The following EPHA6 variants were observed in gnomAD, a reference collection of about 807,000 sequenced individuals.
EPHA6 encodes the protein ephrin type-A receptor 6.
In EPHA6, 50 loss-of-function variants were observed where a neutral mutation model predicts 112.0. The observed-to-expected ratio is 0.45, with a 90% CI of 0.36 to 0.56. The LOEUF is 0.56. EPHA6 is among the 20% of genes least tolerant of loss of function. The pLI, the probability that EPHA6 is intolerant of heterozygous loss-of-function variation, is 0.00. For missense variants in EPHA6, 1,280 were observed against 1,417.4 expected (o/e 0.90, Z 1.56); for synonymous variants, 529 against 490.7 (o/e 1.08, Z -1.03).
At chr3:97,363,175 T>G (rs1455119066) in intron 5 of EPHA6, among the ~76,000 whole-genome samples, 1 of 260 alleles carries the variant, frequency 3.8e-3, no homozygotes, top group African/African-American at 9.4e-3. Context: ...CCCTGCAATA[T>G]ATATATATAT....
At chr3:96,859,683 G>A (rs1051258977) in intron 1 of EPHA6, among the ~76,000 whole-genome samples, 3 of 152,054 alleles carry the variant, frequency 2.0e-5, no homozygotes, top group African/African-American at 7.2e-5. Flanking sequence ...GACATTTCCT[G>A]TATTTGGGAT....
intron 2 of EPHA6, among the ~76,000 whole-genome samples, chr3:96,907,181 G>A (rs1476570744): frequency 6.6e-6 from 1 of 151,616 alleles, no homozygotes; most frequent in African/African-American, 2.4e-5. Context: ...GTTGTGTTTA[G>A]CACTTTCTTG....
At chr3:97,573,868 A>C (rs554851015) in intron 11 of EPHA6, among the ~76,000 whole-genome samples, 2 of 151,724 alleles carry the variant, frequency 1.3e-5, no homozygotes, top group South Asian at 4.1e-4. Context: ...TTTTGTATTG[A>C]TTTAATATTA....
chr3:97,359,642 C>T (rs2084265747), intron 5 of EPHA6, among the ~76,000 whole-genome samples: 1 of 151,782 alleles, frequency 6.6e-6, no homozygotes. Context: ...TATTTTCTTG[C>T]TTCTTTGTAT....
chr3:97,033,156 T>C (rs969680990), intron 3 of EPHA6, among the ~76,000 whole-genome samples: 1 of 152,010 alleles, frequency 6.6e-6, no homozygotes, highest in African/African-American at 2.4e-5. Context: ...GGAGACTCGG[T>C]ACTCTTGGAA....
At chr3:96,840,107 G>T (rs1446022553) in intron 1 of EPHA6, among the ~76,000 whole-genome samples, 1 of 152,072 alleles carries the variant, frequency 6.6e-6, no homozygotes, top group Non-Finnish European at 1.5e-5. Flanking sequence ...GTGACACTTA[G>T]CTCACAACTC....
intron 3 of EPHA6, among the ~76,000 whole-genome samples, chr3:97,022,972 G>A (rs2044514356): frequency 6.6e-6 from 1 of 152,106 alleles, no homozygotes; most frequent in South Asian, 2.1e-4. Context: ...TCAAATAGGA[G>A]GACAAGTTAA....
intron 11 of EPHA6, among the ~76,000 whole-genome samples, chr3:97,572,360 C>T (rs2093342712): frequency 6.6e-6 from 1 of 152,020 alleles, no homozygotes; most frequent in Admixed American, 6.6e-5. Flanking sequence ...TGGTGTTAGC[C>T]AGGATCGTCT....
chr3:97,029,389 T>C (rs1274543610), intron 3 of EPHA6, among the ~76,000 whole-genome samples: 4 of 151,870 alleles, frequency 2.6e-5, no homozygotes, highest in Non-Finnish European at 4.4e-5. Flanking sequence ...TTTAAATTTA[T>C]TTGAAGATAA....
chr3:97,020,699 C>T (rs1433571845), intron 3 of EPHA6, among the ~76,000 whole-genome samples: 1 of 152,102 alleles, frequency 6.6e-6, no homozygotes, highest in Non-Finnish European at 1.5e-5. Context: ...GTAACTTCTC[C>T]TAGCCATTTG....
chr3:96,965,677 T>C (rs1307914056), intron 2 of EPHA6, among the ~76,000 whole-genome samples: 1 of 152,118 alleles, frequency 6.6e-6, no homozygotes, highest in African/African-American at 2.4e-5. Context: ...AATTTACCAA[T>C]TTTTCTCTTT....
At chr3:97,059,865 C>A (rs1203698346) in intron 3 of EPHA6, among the ~76,000 whole-genome samples, 1 of 151,908 alleles carries the variant, frequency 6.6e-6, no homozygotes, top group Non-Finnish European at 1.5e-5. Flanking sequence ...TGCCTGTAAT[C>A]CCAGCACTTA....
At chr3:97,405,339 A>G (rs1192927671) in intron 6 of EPHA6, 65 bp downstream of exon 6, 3 of 1,364,584 alleles carry the variant, frequency 2.2e-6, no homozygotes, top group Non-Finnish European at 3.0e-6. Context: ...TATATTGAGC[A>G]TGTCGTTATA....
intron 2 of EPHA6, among the ~76,000 whole-genome samples, chr3:96,960,594 T>G (rs1182561169): frequency 6.6e-6 from 1 of 152,218 alleles, no homozygotes; most frequent in Non-Finnish European, 1.5e-5. Flanking sequence ...TGGAGTGTTC[T>G]CATTAGCACA....
In EPHA6 at chr3:97,634,646, C is replaced by T. The variant is rs145065381; in HGVS notation, c.2575-3227C>T. Among the ~76,000 whole-genome samples, 28 of 152,174 alleles carry T rather than the reference C, an allele frequency of 1.8e-4. 1 individual carries two copies. In the East Asian group the frequency reaches 4.9e-3, roughly 26 times the overall value. ...CTCTTGGCTAAAGAAAGCTACCTCA[C>T]CCAAGGCCATGACCCCTTTACACGA... is the stretch of plus-strand genomic sequence containing the variant. On this transcript the variant is annotated intron_variant, in intron 13 of 17. Coordinates refer to ENST00000389672, the MANE Select transcript of EPHA6 (RefSeq NM_001080448.3).
intron 14 of EPHA6, among the ~76,000 whole-genome samples, chr3:97,661,276 C>T (rs1371563442): frequency 6.6e-6 from 1 of 151,492 alleles, no homozygotes; most frequent in East Asian, 2.0e-4. Flanking sequence ...AGATTGTACT[C>T]CCTAACGCTG....
At chr3:97,594,710 T>C (rs187332007) in intron 12 of EPHA6, among the ~76,000 whole-genome samples, 125 of 152,296 alleles carry the variant, frequency 8.2e-4, no homozygotes, top group African/African-American at 2.8e-3. Flanking sequence ...TATTATTTTA[T>C]ATTTTTTAAA....
chr3:97,044,615 T>A (rs1025252325), intron 3 of EPHA6, among the ~76,000 whole-genome samples: 1 of 148,824 alleles, frequency 6.7e-6, no homozygotes, highest in African/African-American at 2.5e-5. Context: ...GTTTAACTAA[T>A]AAAAGAGGGA....
chr3:97,687,575 T>C (rs914270393), intron 14 of EPHA6, among the ~76,000 whole-genome samples: 1 of 152,236 alleles, frequency 6.6e-6, no homozygotes, highest in African/African-American at 2.4e-5. Flanking sequence ...ATTTTTATAC[T>C]GTATTTTCCT....
Sources: allele counts gnomAD v4.1 joint callset (sites outside exome capture counted in the v4.1 genomes callset), GRCh38; gene constraint gnomAD v4.1.1; transcripts MANE v1.5; gene names NCBI Gene and HGNC (gene_info 2026-07-23, HGNC 2026-07-21).